R3HDM1: variants seen among roughly 807,000 people sequenced by gnomAD.
R3HDM1 encodes R3H domain containing 1.
A neutral mutation model predicts 141.1 loss-of-function variants in R3HDM1; 46 were observed. The observed-to-expected ratio is 0.33, with a 90% CI of 0.26 to 0.42. The LOEUF (loss-of-function observed/expected upper bound fraction) is 0.42, where lower values mean the gene tolerates loss of function less well. Among genes scored for constraint, R3HDM1 ranks in the 10% least tolerant of loss-of-function variants. The pLI is 1.00. For synonymous variants in R3HDM1, 435 were observed against 472.9 expected (o/e 0.92, Z 1.04); for missense variants, 1,184 against 1,368.3 (o/e 0.87, Z 2.12).
rs191974575 is a variant in R3HDM1 at position 135,569,586 on chromosome 2, C to T, written c.-249-32914C>T. Among the ~76,000 whole-genome samples, 5 of 152,248 alleles carry T rather than the reference C, an allele frequency of 3.3e-5. No individual in the cohort carries two copies. The East Asian group carries it at 5.8e-4, about 18-fold the overall frequency. On this transcript the variant is annotated intron_variant, in intron 1 of 26. Coordinates refer to ENST00000683871, the MANE Select transcript of R3HDM1 (RefSeq NM_001378107.1). ...ACTCACTTCAGATACTAGACTCTAC[C>T]GCTCACTGGTTGTGTGACCTTAAAC...
At chr2:135,618,999 G>A (rs971050963) in intron 5 of R3HDM1, among the ~76,000 whole-genome samples, 6 of 145,506 alleles carry the variant, frequency 4.1e-5, no homozygotes, top group Non-Finnish European at 7.5e-5. Flanking sequence ...CAGCCTGGGT[G>A]ACAAGAGCGA....
At chr2:135,712,876 G>A (rs919903794) in intron 23 of R3HDM1, among the ~76,000 whole-genome samples, 8 of 151,290 alleles carry the variant, frequency 5.3e-5, no homozygotes, top group South Asian at 4.2e-4. Context: ...AGCCAAGATC[G>A]CCCCACTGCA....
chr2:135,711,963 TAAAAAAAA>T (rs35616482), intron 23 of R3HDM1, among the ~76,000 whole-genome samples: 11 of 85,090 alleles, frequency 1.3e-4, no homozygotes, highest in East Asian at 3.7e-4. Flanking sequence ...TGTCTAAAAT[TAAAAAAAA>T]AAAAAAAAAA....
intron 18 of R3HDM1, among the ~76,000 whole-genome samples, chr2:135,655,240 A>G (rs1217829399): frequency 6.6e-6 from 1 of 152,146 alleles, no homozygotes; most frequent in South Asian, 2.1e-4. Context: ...TTTCAAGTAT[A>G]TATCTAGTAA....
intron 23 of R3HDM1, among the ~76,000 whole-genome samples, chr2:135,714,394 A>G (rs1015976986): frequency 6.6e-6 from 1 of 152,218 alleles, no homozygotes; most frequent in African/African-American, 2.4e-5. Context: ...ATCTTCAGAA[A>G]TGTCAAAGTC....
chr2:135,549,283 G>A (rs971949508), intron 1 of R3HDM1, among the ~76,000 whole-genome samples: 39 of 151,144 alleles, frequency 2.6e-4, no homozygotes, highest in Non-Finnish European at 1.5e-5. Flanking sequence ...GGCCAGGCAC[G>A]GTGGCTCACA....
chr2:135,620,165 T>A (rs1156654947), intron 5 of R3HDM1: 1 of 347,896 alleles, frequency 2.9e-6, no homozygotes, highest in Non-Finnish European at 4.0e-6. Flanking sequence ...GAAGTGCCTT[T>A]TAGTGAAGAT....
At chr2:135,629,735 T>G (rs2062444401) in intron 7 of R3HDM1, among the ~76,000 whole-genome samples, 1 of 152,208 alleles carries the variant, frequency 6.6e-6, no homozygotes, top group African/African-American at 2.4e-5. Context: ...GAGATGAGGC[T>G]GGAGCTGGAT....
rs374057131 is a variant in R3HDM1 at position 135,686,109 on chromosome 2, C to T, written c.2459+5785C>T. On this transcript the variant is annotated intron_variant, in intron 21 of 26. Transcript: ENST00000683871. Reference sequence around the variant, plus strand: ...TCATTAGAGGAATGCAAATCACAACCGTAATGAGATATCACCTCACACCTG... The same window carrying T: ...TCATTAGAGGAATGCAAATCACAACTGTAATGAGATATCACCTCACACCTG... Among the ~76,000 whole-genome samples, 41 of 152,056 alleles carry T rather than the reference C, an allele frequency of 2.7e-4. 1 individual carries two copies. Among genetic ancestry groups the T allele is most frequent in the East Asian group, 1.9e-3 (10 of 5,172 alleles).
At chr2:135,667,497 A>G in intron 19 of R3HDM1, 1 of 460,888 alleles carries the variant, frequency 2.2e-6, no homozygotes, top group Non-Finnish European at 2.8e-6. Context: ...TTCCCACAAT[A>G]TTGACGTAAA....
At chr2:135,641,926 A>C (rs772535953) in intron 15 of R3HDM1, 136 bp downstream of exon 15, 357 of 1,128,946 alleles carry the variant, frequency 3.2e-4, no homozygotes, top group Non-Finnish European at 4.2e-4. Flanking sequence ...TTTATAACAA[A>C]AACACTTAAT....
intron 21 of R3HDM1, among the ~76,000 whole-genome samples, chr2:135,685,006 C>G (rs2071087753): frequency 6.6e-6 from 1 of 152,056 alleles, no homozygotes; most frequent in African/African-American, 2.4e-5. Context: ...TCAAGCAGTC[C>G]TCTCACCTCT....
intron 21 of R3HDM1, among the ~76,000 whole-genome samples, chr2:135,682,248 G>C (rs553704041): frequency 2.6e-4 from 40 of 151,988 alleles, no homozygotes; most frequent in Non-Finnish European, 5.6e-4. Context: ...GAGGCTGAGA[G>C]ATGGGTATTA....
intron 24 of R3HDM1, 109 bp from the exon 25 acceptor site, chr2:135,721,815 T>C: frequency 2.4e-6 from 2 of 825,986 alleles, no homozygotes; most frequent in Non-Finnish European, 3.9e-6. Context: ...CTCGAACTCC[T>C]GGCCTTAAGT....
intron 1 of R3HDM1, chr2:135,586,918 G>T (rs1574094210): frequency 1.0e-6 from 1 of 984,520 alleles, no homozygotes; most frequent in Non-Finnish European, 1.2e-6. Context: ...AAATTTTATT[G>T]TGGAACAAAT....
intron 1 of R3HDM1, among the ~76,000 whole-genome samples, chr2:135,579,254 C>T (rs886162104): frequency 6.6e-6 from 1 of 152,104 alleles, no homozygotes; most frequent in Non-Finnish European, 1.5e-5. Flanking sequence ...TGTTGGAACT[C>T]CCAATGGCCC....
chr2:135,688,161 C>A (rs964334883), intron 21 of R3HDM1, among the ~76,000 whole-genome samples: 7 of 152,188 alleles, frequency 4.6e-5, no homozygotes, highest in African/African-American at 1.7e-4. Context: ...TTTAGTGCCA[C>A]GTTGTTCACA....
chr2:135,610,824 A>G (rs1426482102), intron 3 of R3HDM1, among the ~76,000 whole-genome samples: 1 of 152,184 alleles, frequency 6.6e-6, no homozygotes, highest in East Asian at 1.9e-4. Flanking sequence ...GATTAAAAGC[A>G]TGTATGTGGC....
intron 1 of R3HDM1, among the ~76,000 whole-genome samples, chr2:135,583,139 G>A (rs1707181404): frequency 1.3e-5 from 2 of 152,146 alleles, no homozygotes; most frequent in Admixed American, 6.5e-5. Flanking sequence ...TACTGCTTCA[G>A]TTGCTCCTCA....
Sources: allele counts gnomAD v4.1 joint callset (sites outside exome capture counted in the v4.1 genomes callset), GRCh38; gene constraint gnomAD v4.1.1; transcripts MANE v1.5; gene names NCBI Gene and HGNC (gene_info 2026-07-23, HGNC 2026-07-21).